Variants in KCNIP4 observed in about 807,000 individuals in gnomAD.
KCNIP4 encodes the protein potassium voltage-gated channel interacting protein 4.
A neutral mutation model predicts 34.0 loss-of-function variants in KCNIP4; 12 were observed. The observed-to-expected ratio is 0.35, with a 90% confidence interval of 0.23 to 0.57. KCNIP4 has a LOEUF of 0.57. KCNIP4 is among the 20% of genes least tolerant of loss of function. The pLI is 0.83. For missense variants in KCNIP4, 238 were observed against 311.7 expected, an observed-to-expected ratio of 0.76 and a Z score of 1.78; for synonymous variants, 124 against 102.2, an observed-to-expected ratio of 1.21 and a Z score of -1.29.
intron 1 of KCNIP4, among the ~76,000 whole-genome samples, chr4:21,867,460 G>T (rs1456300733): frequency 2.0e-5 from 3 of 152,104 alleles, no homozygotes; most frequent in African/African-American, 7.2e-5. Flanking sequence ...TCTGTCTCTG[G>T]AGTCCAAAAC....
intron 1 of KCNIP4, among the ~76,000 whole-genome samples, chr4:21,606,316 A>G (rs1743664747): frequency 6.6e-6 from 1 of 152,102 alleles, no homozygotes; most frequent in Non-Finnish European, 1.5e-5. Flanking sequence ...ATCACTGAGG[A>G]TGGATGGAGA....
At chr4:21,246,937 TTC>T (rs1404389575) in intron 1 of KCNIP4, among the ~76,000 whole-genome samples, 2 of 152,120 alleles carry the variant, frequency 1.3e-5, no homozygotes, top group Non-Finnish European at 1.5e-5. Flanking sequence ...AATTTTTCAT[TTC>T]TTTTTTCTTT....
At chr4:20,772,499 G>A (rs1200734169) in intron 3 of KCNIP4, among the ~76,000 whole-genome samples, 2 of 152,150 alleles carry the variant, frequency 1.3e-5, no homozygotes, top group Non-Finnish European at 2.9e-5. Context: ...AAATTGAAAT[G>A]TCCCAGGTGA....
chr4:20,738,317 C>A (rs1476243177), intron 5 of KCNIP4, among the ~76,000 whole-genome samples: 1 of 152,156 alleles, frequency 6.6e-6, no homozygotes, highest in Non-Finnish European at 1.5e-5. Context: ...GTAAGGGGAG[C>A]TGGCCACAGG....
intron 1 of KCNIP4, among the ~76,000 whole-genome samples, chr4:21,308,711 AGTGTGTGTGT>A (rs10525935): frequency 2.0e-5 from 3 of 149,874 alleles, no homozygotes; most frequent in African/African-American, 4.9e-5. Flanking sequence ...CTGCCGTGTG[AGTGTGTGTGT>A]GTGTGTGTGT....
chr4:21,279,577 C>T (rs1009044921), intron 1 of KCNIP4, among the ~76,000 whole-genome samples: 1 of 150,172 alleles, frequency 6.7e-6, no homozygotes, highest in Non-Finnish European at 1.5e-5. Flanking sequence ...GAAACAAGAG[C>T]TAATATTAAA....
At chr4:20,810,307 A>G (rs1715571036) in intron 3 of KCNIP4, among the ~76,000 whole-genome samples, 1 of 152,228 alleles carries the variant, frequency 6.6e-6, no homozygotes. Context: ...TATGGGTCTG[A>G]TTTCATTTCT....
At chr4:20,848,100 A>G (rs1720589319) in intron 3 of KCNIP4, among the ~76,000 whole-genome samples, 2 of 152,282 alleles carry the variant, frequency 1.3e-5, no homozygotes, top group South Asian at 2.1e-4. Flanking sequence ...TAAAAATTAA[A>G]AGGCCACTTG....
At chr4:21,209,251 CT>C (rs1488013636) in intron 1 of KCNIP4, among the ~76,000 whole-genome samples, 2 of 152,114 alleles carry the variant, frequency 1.3e-5, no homozygotes, top group Non-Finnish European at 2.9e-5. Flanking sequence ...ATTTATCATT[CT>C]TTTGTGTTGG....
chr4:21,122,661 C>G (rs1430411310), intron 1 of KCNIP4, among the ~76,000 whole-genome samples: 1 of 151,988 alleles, frequency 6.6e-6, no homozygotes, highest in Non-Finnish European at 1.5e-5. Context: ...AACAATAAAC[C>G]TGGTATTCAA....
chr4:21,256,460 G>A (rs1761072445), intron 1 of KCNIP4, among the ~76,000 whole-genome samples: 1 of 151,364 alleles, frequency 6.6e-6, no homozygotes, highest in Non-Finnish European at 1.5e-5. Context: ...GAAAAAGGCA[G>A]GCATGGTGCA....
chr4:20,916,445 G>T, intron 1 of KCNIP4: 1 of 634,860 alleles, frequency 1.6e-6, no homozygotes. Flanking sequence ...TGGTTTCTGT[G>T]TGCAATCTAG....
At chr4:20,779,689 G>A (rs1430106226) in intron 3 of KCNIP4, among the ~76,000 whole-genome samples, 1 of 151,240 alleles carries the variant, frequency 6.6e-6, no homozygotes, top group East Asian at 2.0e-4. Flanking sequence ...GGCCTTTTAG[G>A]CTATCCCAAT....
At chr4:21,601,404 T>A (rs1273048835) in intron 1 of KCNIP4, among the ~76,000 whole-genome samples, 1 of 152,010 alleles carries the variant, frequency 6.6e-6, no homozygotes, top group Non-Finnish European at 1.5e-5. Context: ...AATAAGTACT[T>A]ACAGTGTCCC....
intron 1 of KCNIP4, among the ~76,000 whole-genome samples, chr4:21,187,630 T>C (rs1034376503): frequency 3.3e-5 from 5 of 152,196 alleles, no homozygotes; most frequent in African/African-American, 7.2e-5. Flanking sequence ...ACATTGCCTG[T>C]AGGTCAAACT....
chr4:21,385,610 T>C (rs1187628412), intron 1 of KCNIP4, among the ~76,000 whole-genome samples: 2 of 152,128 alleles, frequency 1.3e-5, no homozygotes, highest in African/African-American at 4.8e-5. Flanking sequence ...AGCAAAAGGA[T>C]TCACATATTT....
chr4:20,848,357 GA>G (rs919880824), intron 3 of KCNIP4, among the ~76,000 whole-genome samples: 2 of 150,974 alleles, frequency 1.3e-5, no homozygotes, highest in African/African-American at 2.4e-5. Flanking sequence ...CAGAAGAGGT[GA>G]AAAAAAGGAA....
intron 1 of KCNIP4, among the ~76,000 whole-genome samples, chr4:21,197,657 G>C (rs541958255): frequency 0.031 from 4,749 of 152,114 alleles, 126 homozygotes; most frequent in South Asian, 0.16. Context: ...GAAAGAAAGA[G>C]AAAGTTTCAG....
chr4:20,899,315 T>C (rs749531462), intron 1 of KCNIP4, among the ~76,000 whole-genome samples: 8 of 152,212 alleles, frequency 5.3e-5, no homozygotes, highest in Non-Finnish European at 1.0e-4. Flanking sequence ...ATTTGATTTT[T>C]AGTAACTAAT....
Sources: allele counts gnomAD v4.1 joint callset (sites outside exome capture counted in the v4.1 genomes callset), GRCh38; gene constraint gnomAD v4.1.1; transcripts MANE v1.5; gene names NCBI Gene and HGNC (gene_info 2026-07-23, HGNC 2026-07-21).